THSD7B: variants seen among roughly 807,000 people sequenced by gnomAD.
THSD7B encodes thrombospondin type 1 domain containing 7B, also known as thrombospondin type-1 domain-containing protein 7B.
In THSD7B, 138 loss-of-function variants were observed where a neutral mutation model predicts 213.6. The observed-to-expected ratio is 0.65, with a 90% CI of 0.56 to 0.74. The LOEUF (loss-of-function observed/expected upper bound fraction) is 0.74. Ranked by LOEUF, THSD7B falls within the 30% of genes least tolerant of loss-of-function variation. THSD7B has a pLI of 0.00. For synonymous variants in THSD7B, 742 were observed against 687.0 expected (o/e 1.08, Z -1.25); for missense variants, 1,931 against 1,991.5 (o/e 0.97, Z 0.58).
intron 15 of THSD7B, among the ~76,000 whole-genome samples, chr2:137,528,447 A>G (rs1680320472): frequency 6.6e-6 from 1 of 152,162 alleles, no homozygotes; most frequent in African/African-American, 2.4e-5. Flanking sequence ...GTTTAGCAAT[A>G]GAAGAATAAT....
intron 7 of THSD7B, among the ~76,000 whole-genome samples, chr2:137,174,505 A>G (rs1680322073): frequency 6.6e-6 from 1 of 152,210 alleles, no homozygotes; most frequent in African/African-American, 2.4e-5. Flanking sequence ...AATGTGGTCT[A>G]CTTTGGGTTA....
At chr2:137,200,275 G>C (rs933292312) in intron 7 of THSD7B, among the ~76,000 whole-genome samples, 2 of 152,018 alleles carry the variant, frequency 1.3e-5, no homozygotes, top group Non-Finnish European at 2.9e-5. Flanking sequence ...TGCTGTGTCA[G>C]TGCTTCTGGA....
intron 15 of THSD7B, among the ~76,000 whole-genome samples, chr2:137,543,928 T>A (rs1235764447): frequency 6.6e-6 from 1 of 151,758 alleles, no homozygotes; most frequent in Non-Finnish European, 1.5e-5. Context: ...AAAAATGATA[T>A]GTCACTTCAC....
chr2:137,607,750 A>T (rs1682210963), intron 17 of THSD7B, among the ~76,000 whole-genome samples: 1 of 152,174 alleles, frequency 6.6e-6, no homozygotes, highest in African/African-American at 2.4e-5. Flanking sequence ...AACAGGTGAC[A>T]GCCTCGATTT....
intron 2 of THSD7B, among the ~76,000 whole-genome samples, chr2:137,054,471 T>C (rs1687123783): frequency 6.6e-6 from 1 of 152,232 alleles, no homozygotes; most frequent in African/African-American, 2.4e-5. Flanking sequence ...CCTACTAAAG[T>C]GACAGATCCT....
At chr2:137,536,839 C>T (rs901755849) in intron 15 of THSD7B, among the ~76,000 whole-genome samples, 1 of 151,636 alleles carries the variant, frequency 6.6e-6, no homozygotes, top group African/African-American at 2.4e-5. Context: ...TTTATTGCCG[C>T]ATAGAAATTT....
Position 137,160,983 on chromosome 2 carries a change from C to T in THSD7B, c.1525+615C>T, listed in dbSNP as rs188250840. 9.2e-5 allele frequency among the ~76,000 whole-genome samples: 14 copies of T among 152,258 alleles called. No homozygotes were observed. In the East Asian group the frequency reaches 2.7e-3, roughly 29 times the overall value. ...AAATTGGACATGATTTCCACGCTCA[C>T]ATCTGAAAAGAAATGTTTCGCAAAT... is the stretch of plus-strand genomic sequence containing the variant. On this transcript the variant is annotated intron_variant, in intron 6 of 27. Coordinates refer to ENST00000409968, the MANE Select transcript of THSD7B (RefSeq NM_001316349.2).
At chr2:137,145,505 A>G in intron 5 of THSD7B, among the ~76,000 whole-genome samples, 1 of 152,106 alleles carries the variant, frequency 6.6e-6, no homozygotes, top group South Asian at 2.1e-4. Context: ...AGGCTTTCTG[A>G]CTTTTGTGCC....
chr2:137,190,149 T>A (rs905553823), intron 7 of THSD7B, among the ~76,000 whole-genome samples: 1 of 152,296 alleles, frequency 6.6e-6, no homozygotes, highest in Admixed American at 6.5e-5. Context: ...TGGATGTGAC[T>A]AACTAGAGAA....
At chr2:137,218,658 T>G (rs1016874309) in intron 7 of THSD7B, among the ~76,000 whole-genome samples, 1 of 152,270 alleles carries the variant, frequency 6.6e-6, no homozygotes, top group African/African-American at 2.4e-5. Flanking sequence ...TCATGATATA[T>G]GCATATCATT....
At position 136,961,663 on chromosome 2, in the gene THSD7B, C is replaced by A. The variant is rs1384144935; in HGVS notation, c.139+79346C>A. Among the ~76,000 whole-genome samples, 3 of 152,268 alleles carry A rather than the reference C, an allele frequency of 2.0e-5. No homozygotes were observed. In the South Asian group the frequency reaches 6.2e-4, roughly 32 times the overall value. On this transcript the variant is annotated intron_variant, in intron 2 of 27. Coordinates refer to ENST00000409968, the MANE Select transcript of THSD7B (RefSeq NM_001316349.2). ...CAAGGAGGAACTTATTACAGATTTA[C>A]TGCTTCTTTAGCTTTATGTTTGAAG...
At chr2:137,116,048 C>T (rs1688443097) in intron 5 of THSD7B, among the ~76,000 whole-genome samples, 1 of 152,188 alleles carries the variant, frequency 6.6e-6, no homozygotes, top group Admixed American at 6.5e-5. Context: ...GGTACGAGGA[C>T]ATATTTCCAC....
chr2:137,189,650 G>C (rs71419530), intron 7 of THSD7B, among the ~76,000 whole-genome samples: 6,996 of 151,706 alleles, frequency 0.046, 200 homozygotes, highest in Admixed American at 0.069. Flanking sequence ...CTTCGTACCC[G>C]TCTCTACTTG....
chr2:137,005,070 A>G (rs570208683), intron 2 of THSD7B, among the ~76,000 whole-genome samples: 185 of 152,366 alleles, frequency 1.2e-3, no homozygotes, highest in Non-Finnish European at 1.1e-3. Context: ...TCTGAAAATT[A>G]TAATGAAATA....
chr2:137,119,426 T>C (rs1688505932), intron 5 of THSD7B, among the ~76,000 whole-genome samples: 1 of 152,352 alleles, frequency 6.6e-6, no homozygotes, highest in East Asian at 1.9e-4. Flanking sequence ...TTTGGATGAT[T>C]ACATATCTAA....
intron 4 of THSD7B, among the ~76,000 whole-genome samples, chr2:137,110,082 G>C (rs1432222): frequency 0.54 from 82,787 of 151,930 alleles, 25,113 homozygotes; most frequent in Non-Finnish European, 0.67. Flanking sequence ...AGGACTCTGA[G>C]GATTTCCCTC....
chr2:137,462,716 T>C (rs1308126471), intron 15 of THSD7B, among the ~76,000 whole-genome samples: 2 of 151,766 alleles, frequency 1.3e-5, no homozygotes, highest in African/African-American at 2.4e-5. Context: ...TCCTTTTAGG[T>C]TGACAAGATT....
At chr2:137,661,526 T>A (rs1242888296) in intron 25 of THSD7B, among the ~76,000 whole-genome samples, 1 of 151,920 alleles carries the variant, frequency 6.6e-6, no homozygotes, top group Non-Finnish European at 1.5e-5. Context: ...CAGCAGCGAA[T>A]CCATACAGGT....
intron 10 of THSD7B, among the ~76,000 whole-genome samples, chr2:137,265,795 C>T (rs1417134791): frequency 1.3e-5 from 2 of 152,136 alleles, no homozygotes; most frequent in Admixed American, 6.5e-5. Flanking sequence ...TATAATGTGT[C>T]GTACAAACCA....
Sources: gnomAD v4.1 joint callset for allele counts (sites outside exome capture counted in the v4.1 genomes callset) on GRCh38, gnomAD v4.1.1 for gene constraint, MANE v1.5 for transcripts, NCBI Gene and HGNC (gene_info 2026-07-23, HGNC 2026-07-21) for gene names.